The following SH3RF2 variants were observed in gnomAD, a reference collection of about 807,000 sequenced individuals.
SH3RF2 encodes SH3 domain containing ring finger 2, also known as E3 ubiquitin-protein ligase SH3RF2.
In SH3RF2, 43 loss-of-function variants were observed where a neutral mutation model predicts 59.0. The observed-to-expected ratio is 0.73, with a 90% CI of 0.57 to 0.94. The LOEUF (loss-of-function observed/expected upper bound fraction) is 0.94, where lower values mean the gene tolerates loss of function less well. SH3RF2 is among the 40% of genes least tolerant of loss of function. SH3RF2 has a pLI of 0.00. For synonymous variants in SH3RF2, 391 were observed against 391.5 expected (o/e 1.00, Z 0.01); for missense variants, 930 against 940.1 (o/e 0.99, Z 0.14).
Position 145,973,033 on chromosome 5 carries a change from G to A in SH3RF2, c.379-27025G>A, listed in dbSNP as rs1030290275. Among the ~76,000 whole-genome samples, 3 of 152,286 alleles carry A rather than the reference G, an allele frequency of 2.0e-5. No homozygotes were observed. In the South Asian group the frequency reaches 6.2e-4, roughly 32 times the overall value. On this transcript the variant is annotated intron_variant, in intron 2 of 9. Coordinates refer to ENST00000359120, the MANE Select transcript of SH3RF2 (RefSeq NM_152550.4). ...TTAAATGCAGTGTAATGAAGCCTAC[G>A]ACTGGGGAAAGAAAGGGAAAGACAC...
intron 3 of SH3RF2, among the ~76,000 whole-genome samples, chr5:146,003,060 C>A (rs1231940552): frequency 1.3e-5 from 2 of 152,138 alleles, no homozygotes. Flanking sequence ...GAGCATGGAA[C>A]AGAATGTCAG....
intron 7 of SH3RF2, among the ~76,000 whole-genome samples, chr5:146,053,548 T>C (rs1403434716): frequency 2.0e-5 from 3 of 151,066 alleles, no homozygotes; most frequent in African/African-American, 7.4e-5. Flanking sequence ...ATTTGGAAAC[T>C]TGAACAAGGG....
intron 5 of SH3RF2, among the ~76,000 whole-genome samples, chr5:146,042,277 C>T (rs1176853399): frequency 2.0e-5 from 3 of 152,224 alleles, no homozygotes; most frequent in African/African-American, 2.4e-5. Context: ...AGTCCAAGAC[C>T]TTGCCAGGCT....
At chr5:145,983,904 A>G (rs138990419) in intron 2 of SH3RF2, among the ~76,000 whole-genome samples, 4 of 152,266 alleles carry the variant, frequency 2.6e-5, no homozygotes, top group African/African-American at 9.6e-5. Context: ...GAAAAATACT[A>G]TATTTATCTT....
intron 9 of SH3RF2, among the ~76,000 whole-genome samples, chr5:146,071,327 G>C (rs989891043): frequency 9.9e-5 from 15 of 152,202 alleles, no homozygotes; most frequent in African/African-American, 3.6e-4. Flanking sequence ...GTAGAGGACT[G>C]CATTGCACGA....
rs546830346 is a variant in SH3RF2 at position 145,947,744 on chromosome 5, G to C, written c.378+9438G>C. Among the ~76,000 whole-genome samples, 6 of 152,292 alleles carry C rather than the reference G, an allele frequency of 3.9e-5. No individual in the cohort carries two copies. The South Asian group carries it at 1.0e-3, about 26-fold the overall frequency. On this transcript the variant is annotated intron_variant, in intron 2 of 9. Transcript: ENST00000359120. ...GCATTGTTATTATTAATATTTCCCAGGTCTCACTTGTTCAACAGACACATA... is the reference window on the plus strand; with the variant it reads ...GCATTGTTATTATTAATATTTCCCACGTCTCACTTGTTCAACAGACACATA...
chr5:146,073,341 C>T (rs1039888285), intron 9 of SH3RF2, among the ~76,000 whole-genome samples: 3 of 152,236 alleles, frequency 2.0e-5, no homozygotes, highest in Admixed American at 2.0e-4. Context: ...ATTAGTGTTG[C>T]CCCTCTGGGC....
At chr5:146,063,479 T>G (rs1762970148), downstream of SH3RF2, among the ~76,000 whole-genome samples, 1 of 152,256 alleles carries the variant, frequency 6.6e-6, no homozygotes, top group South Asian at 2.1e-4. Flanking sequence ...TCATCCTGGC[T>G]CTACAGTCTG....
intron 4 of SH3RF2, among the ~76,000 whole-genome samples, chr5:146,007,718 A>G (rs534263756): frequency 1.3e-5 from 2 of 152,314 alleles, no homozygotes; most frequent in African/African-American, 4.8e-5. Flanking sequence ...CTCTAAAATT[A>G]GCGAGTACAA....
intron 5 of SH3RF2, among the ~76,000 whole-genome samples, chr5:146,030,791 A>G (rs1388688843): frequency 6.6e-6 from 1 of 152,160 alleles, no homozygotes; most frequent in East Asian, 1.9e-4. Flanking sequence ...TCAAAAGAAT[A>G]AAACTCCATG....
chr5:145,976,443 G>GA (rs113776416), intron 2 of SH3RF2, among the ~76,000 whole-genome samples: 11,357 of 138,506 alleles, frequency 0.082, 1,414 homozygotes, highest in African/African-American at 0.27. Flanking sequence ...AATTAAGAAG[G>GA]AAAAAAAAAA....
intron 3 of SH3RF2, among the ~76,000 whole-genome samples, chr5:146,000,973 C>T (rs1367241818): frequency 2.6e-5 from 4 of 152,212 alleles, no homozygotes; most frequent in African/African-American, 4.8e-5. Context: ...GTTATGGTTA[C>T]CTAATTCTAC....
At chr5:146,000,011 C>A in intron 2 of SH3RF2, 47 bp from the exon 3 acceptor site, 1 of 1,588,662 alleles carries the variant, frequency 6.3e-7, no homozygotes, top group Non-Finnish European at 8.5e-7. Flanking sequence ...TTCTGTTCCT[C>A]TAGACTCTAA....
intron 3 of SH3RF2, 37 bp from the exon 4 acceptor site, chr5:146,004,021 T>G: frequency 1.3e-6 from 2 of 1,570,236 alleles, no homozygotes; most frequent in Non-Finnish European, 1.7e-6. Context: ...TGCCTGAAAA[T>G]GAGAGTAAAT....
intron 2 of SH3RF2, among the ~76,000 whole-genome samples, chr5:145,993,702 C>T (rs1211608452): frequency 2.0e-5 from 3 of 152,244 alleles, no homozygotes; most frequent in Non-Finnish European, 2.9e-5. Flanking sequence ...AGGCTGAACA[C>T]AGCACGGGGA....
intron 2 of SH3RF2, among the ~76,000 whole-genome samples, chr5:145,959,615 A>ATG (rs35295719): frequency 0.038 from 5,500 of 145,446 alleles, 125 homozygotes; most frequent in African/African-American, 0.065. Context: ...CTATATATAT[A>ATG]TGTGTGTGTG....
rs143021865 is a variant in SH3RF2, at chr5:146,061,280, G to A, written c.1914+1056G>A. On this transcript the variant is annotated intron_variant, in intron 9 of 9. Coordinates refer to ENST00000359120, the MANE Select transcript of SH3RF2 (RefSeq NM_152550.4). Reference sequence around the variant, plus strand: ...CCAAGACCGCACAGTTGACACATACGTGTGGAGTAGAATCCAGATCTGATG... The same window carrying A: ...CCAAGACCGCACAGTTGACACATACATGTGGAGTAGAATCCAGATCTGATG... 8.5e-5 allele frequency among the ~76,000 whole-genome samples: 13 copies of A among 152,280 alleles called. No homozygotes were observed. In the East Asian group the frequency reaches 1.7e-3, roughly 20 times the overall value.
chr5:146,060,873 T>G (rs1762863695), intron 9 of SH3RF2, among the ~76,000 whole-genome samples: 1 of 152,186 alleles, frequency 6.6e-6, no homozygotes, highest in South Asian at 2.1e-4. Flanking sequence ...GTGAGAGTTT[T>G]TGTAAAAGGC....
chr5:146,011,990 C>A (rs1484205632), intron 4 of SH3RF2, among the ~76,000 whole-genome samples: 5 of 152,048 alleles, frequency 3.3e-5, no homozygotes, highest in Non-Finnish European at 5.9e-5. Flanking sequence ...CAGTTTTTGC[C>A]CATTCAGTAT....
Sources: allele counts gnomAD v4.1 joint callset (sites outside exome capture counted in the v4.1 genomes callset), GRCh38; gene constraint gnomAD v4.1.1; transcripts MANE v1.5; gene names NCBI Gene and HGNC (gene_info 2026-07-23, HGNC 2026-07-21).